TRIM35: variants seen among roughly 807,000 people sequenced by gnomAD.
The protein encoded by TRIM35 is E3 ubiquitin-protein ligase TRIM35.
A neutral mutation model predicts 49.1 loss-of-function variants in TRIM35; 37 were observed. The ratio of observed to expected loss-of-function variants is 0.75; its 90% CI spans 0.58 to 0.99. The LOEUF is 0.99. TRIM35 is among the 50% of genes least tolerant of loss of function. The probability of loss-of-function intolerance (pLI) is 0.00; values close to 1 mark genes in which losing one functional copy is unlikely to be tolerated. For missense variants in TRIM35, 648 were observed against 702.7 expected (o/e 0.92, Z 0.88); for synonymous variants, 302 against 289.3 (o/e 1.04, Z -0.45).
At position 27,310,813 on chromosome 8, in the gene TRIM35, G is replaced by A. The variant is rs757544708; in HGVS notation, c.423C>T (p.Ala141=). ...GHRVQPVKDT[A]HDFRAKCRNM... ...TCGCTGCTCTTACCCGAAAGTCGTG[G>A]GCAGTGTCCTTCACCGGCTGCACGC... The change falls in exon 1 of 6, where the codon GCC becomes GCT. Residue 141 remains alanine, a synonymous_variant. Coordinates refer to ENST00000305364, the MANE Select transcript of TRIM35 (RefSeq NM_171982.5). 2 of 1,597,252 alleles carry A rather than the reference G, an allele frequency of 1.3e-6. No individual in the cohort carries two copies. Among genetic ancestry groups the A allele is most frequent in the Non-Finnish European group, 1.7e-6 (2 of 1,168,602 alleles).
At chr8:27,290,042 G>C in intron 4 of TRIM35, 114 bp downstream of exon 4, 1 of 1,195,532 alleles carries the variant, frequency 8.4e-7, no homozygotes, top group Non-Finnish European at 1.2e-6. Context: ...AGTAGCTCAT[G>C]TGTGCTGGTG....
rs1343550219 is a variant in TRIM35 at position 27,294,081 on chromosome 8, A to T, written c.761T>A (p.Met254Lys). Reference protein sequence around the residue: ...EMKEDDVSFLMKHKSRKRRLF... With the variant: ...EMKEDDVSFLKKHKSRKRRLF... ...GAATCCAGACGCTGAGCTCCTTACC[A>T]TGAGAAAAGAAACGTCGTCCTCCTT... Residue 254 changes from methionine to lysine, a missense_variant and splice_region_variant, in exon 3 of 6, where the codon ATG (methionine) becomes AAG (lysine). Transcript: ENST00000305364. The T allele has an allele frequency of 6.2e-7, 1 of 1,613,800 alleles. No homozygotes were observed. Among genetic ancestry groups the T allele is most frequent in the African/African-American group, 1.3e-5 (1 of 74,898 alleles).
chr8:27,298,190 T>C (rs1007952985), intron 2 of TRIM35, among the ~76,000 whole-genome samples: 4 of 152,218 alleles, frequency 2.6e-5, no homozygotes, highest in Non-Finnish European at 4.4e-5. Flanking sequence ...GTGGCAGTGA[T>C]ATGATGCATG....
intron 2 of TRIM35, among the ~76,000 whole-genome samples, chr8:27,295,197 G>A (rs185913267): frequency 1.6e-4 from 25 of 152,282 alleles, no homozygotes; most frequent in Admixed American, 3.9e-4. Context: ...ATATTTCTCA[G>A]CTTGGAATAA....
At chr8:27,296,622 T>C (rs1802572853) in intron 2 of TRIM35, among the ~76,000 whole-genome samples, 1 of 152,184 alleles carries the variant, frequency 6.6e-6, no homozygotes, top group Non-Finnish European at 1.5e-5. Flanking sequence ...GACAGACAGA[T>C]ACTCCCTAAG....
chr8:27,285,171 C>G lies in TRIM35; in HGVS notation c.*2379G>C, dbSNP rs1802285024. The G allele has an allele frequency of 1.3e-5, 2 of 152,220 alleles. No individual in the cohort carries two copies. The highest frequency in any genetic ancestry group is 2.9e-5 in the Non-Finnish European group (2 of 68,042). The allele number at this position is 152,220 out of a possible 1,614,324, so 9.4% of individuals were successfully genotyped here. A position where few individuals can be genotyped will look rare whatever the true frequency, so the allele number is the denominator to read the frequency against. On this transcript the variant is annotated 3_prime_UTR_variant, in exon 6 of 6. Transcript: ENST00000305364. ...AAACCAAAATCACAATGAGATGCCA[C>G]ATTACCCCTACTAGGATGGCTAAGT...
chr8:27,295,676 A>C (rs984351449), intron 2 of TRIM35, among the ~76,000 whole-genome samples: 3 of 152,204 alleles, frequency 2.0e-5, no homozygotes, highest in Non-Finnish European at 4.4e-5. Flanking sequence ...GGGGAAAAAC[A>C]GAATGGTTGT....
chr8:27,301,060 C>T (rs1586051914), intron 1 of TRIM35, among the ~76,000 whole-genome samples: 1 of 152,186 alleles, frequency 6.6e-6, no homozygotes, highest in East Asian at 1.9e-4. Flanking sequence ...TTGGAGAGTT[C>T]TGGTTTCCTT....
At chr8:27,302,908 A>G in intron 1 of TRIM35, among the ~76,000 whole-genome samples, 1 of 152,148 alleles carries the variant, frequency 6.6e-6, no homozygotes, top group East Asian at 1.9e-4. Flanking sequence ...TCCAAACCTT[A>G]CATCTTTTAT....
chr8:27,287,828 T>G lies in TRIM35; in HGVS notation c.1204A>C (p.Thr402Pro). The change falls in exon 6 of 6, where the codon ACG becomes CCG. Residue 402 changes from threonine (T) to proline (P), a missense_variant. Coordinates refer to ENST00000305364, the MANE Select transcript of TRIM35 (RefSeq NM_171982.5). The surrounding 1 kb of genome is among the most constrained non-coding windows in gnomAD (Gnocchi z 6.0). Reference protein sequence around the residue: ...TRSGFWYVCRTQGVEGDHCVT... With the variant: ...TRSGFWYVCRPQGVEGDHCVT... ...CAGTGGTCCCCCTCCACGCCCTGCG[T>G]GCGGCAGACATACCAGAAGCCCGAG... The G allele has an allele frequency of 6.2e-7, 1 of 1,612,156 alleles. No individual in the cohort carries two copies. The highest frequency in any genetic ancestry group is 2.2e-5 in the East Asian group (1 of 44,784).
chr8:27,287,750 G>A lies in TRIM35; in HGVS notation c.1282C>T (p.Leu428=). The A allele has an allele frequency of 6.2e-7, 1 of 1,610,308 alleles. No individual in the cohort carries two copies. Among genetic ancestry groups the A allele is most frequent in the African/African-American group, 1.3e-5 (1 of 75,038 alleles). ...SPLVLAIPRR[L]RVELECEEGE... is the part of the protein sequence containing the mutation. Reference sequence around the variant, plus strand: ...TCCTCACACTCCAGCTCCACACGCAGGCGGCGTGGGATGGCCAGGACCAGG... The same window carrying A: ...TCCTCACACTCCAGCTCCACACGCAAGCGGCGTGGGATGGCCAGGACCAGG... The change falls in exon 6 of 6, where the codon CTG becomes TTG. Residue 428 remains leucine (L), a synonymous_variant. Transcript: ENST00000305364. The surrounding 1 kb of genome is among the most constrained non-coding windows in gnomAD (Gnocchi z 6.0).
At chr8:27,302,424 C>G (rs1357276879) in intron 1 of TRIM35, among the ~76,000 whole-genome samples, 1 of 151,932 alleles carries the variant, frequency 6.6e-6, no homozygotes, top group African/African-American at 2.4e-5. Context: ...TAAAAAAACC[C>G]AAAACAGGGT....
At chr8:27,306,370 G>C (rs959827679) in intron 1 of TRIM35, among the ~76,000 whole-genome samples, 10 of 145,244 alleles carry the variant, frequency 6.9e-5, no homozygotes, top group African/African-American at 1.8e-4. Flanking sequence ...CTGTCGTACA[G>C]GCTGGAGGGC....
At chr8:27,295,076 G>A (rs777934380) in intron 2 of TRIM35, among the ~76,000 whole-genome samples, 6 of 152,054 alleles carry the variant, frequency 3.9e-5, no homozygotes, top group Non-Finnish European at 8.8e-5. Flanking sequence ...TGCCCGCCTC[G>A]GCCTCCCAAA....
intron 1 of TRIM35, among the ~76,000 whole-genome samples, chr8:27,307,113 T>C (rs868770207): frequency 6.6e-6 from 1 of 152,202 alleles, no homozygotes; most frequent in African/African-American, 2.4e-5. Context: ...CTAGGATTTC[T>C]GAAGGTCCTT....
At chr8:27,296,794 G>A (rs1242065257) in intron 2 of TRIM35, among the ~76,000 whole-genome samples, 1 of 152,184 alleles carries the variant, frequency 6.6e-6, no homozygotes, top group African/African-American at 2.4e-5. Flanking sequence ...TCGCTATTTG[G>A]AGTTGGAATT....
Position 27,285,503 on chromosome 8 carries a change from T to C in TRIM35, c.*2047A>G, listed in dbSNP as rs1013834695. 3.9e-5 allele frequency: 6 copies of C among 152,168 alleles called. No individual in the cohort carries two copies. Among genetic ancestry groups the C allele is most frequent in the Non-Finnish European group, 7.4e-5 (5 of 68,022 alleles). The allele number at this position is 152,168 out of a possible 1,614,324, so 9.4% of individuals were successfully genotyped here. ...TGATAAATAAAATGTAGTACTACCA[T>C]TCCATACAATGGAATATTACCCGAT... On this transcript the variant is annotated 3_prime_UTR_variant, in exon 6 of 6. Transcript: ENST00000305364.
rs1802331967 is a variant in TRIM35, at chr8:27,286,810, C to G, written c.*740G>C. The stretch of plus-strand genomic sequence containing the variant: ...CCCAATCCCTAGAGATGGCAAGCAT[C>G]TGGCTGAAAGCATGCCTTTCCTATG... On this transcript the variant is annotated 3_prime_UTR_variant, in exon 6 of 6. Transcript: ENST00000305364. 6.6e-6 allele frequency: 1 copy of G among 152,604 alleles called. No individual in the cohort carries two copies. Among genetic ancestry groups the G allele is most frequent in the African/African-American group, 2.4e-5 (1 of 41,462 alleles). The allele number at this position is 152,604 out of a possible 1,614,324, so 9.5% of individuals were successfully genotyped here.
chr8:27,289,910 G>A (rs563558039), intron 4 of TRIM35, among the ~76,000 whole-genome samples: 10 of 152,132 alleles, frequency 6.6e-5, no homozygotes, highest in East Asian at 3.9e-4. Context: ...TTCCCTGCAC[G>A]GCAGGTGGGG....
Sources: allele counts gnomAD v4.1 joint callset (sites outside exome capture counted in the v4.1 genomes callset), GRCh38; gene constraint gnomAD v4.1.1; non-coding constraint Gnocchi (gnomAD v3.1); transcripts MANE v1.5; gene names NCBI Gene and HGNC (gene_info 2026-07-23, HGNC 2026-07-21).